Variants in EPCAM observed in about 807,000 individuals in gnomAD.
EPCAM encodes adenocarcinoma-associated antigen.
EPCAM carries 39 observed loss-of-function variants against 40.0 expected under a neutral mutation model. The observed-to-expected ratio is 0.98, with a 90% CI of 0.76 to 1.27. The LOEUF is 1.27. Among genes scored for constraint, EPCAM ranks in the 50% most tolerant of loss-of-function variants. EPCAM has a pLI of 0.00. For synonymous variants in EPCAM, 168 were observed against 132.3 expected (o/e 1.27, Z -1.85); for missense variants, 503 against 381.2 (o/e 1.32, Z -2.66).
intron 7 of EPCAM, among the ~76,000 whole-genome samples, chr2:47,382,072 A>G (rs758471965): frequency 6.6e-6 from 1 of 152,174 alleles, no homozygotes; most frequent in Non-Finnish European, 1.5e-5. Context: ...CTAGTCCTAT[A>G]TATATATATT....
chr2:47,375,951 G>A (rs951699701), intron 4 of EPCAM, among the ~76,000 whole-genome samples: 6 of 151,846 alleles, frequency 4.0e-5, no homozygotes, highest in Non-Finnish European at 5.9e-5. Flanking sequence ...TGATCCTCCC[G>A]CCTCTGCCTC....
At chr2:47,373,228 A>AAAAAAC (rs1671326252) in intron 1 of EPCAM, among the ~76,000 whole-genome samples, 1 of 150,686 alleles carries the variant, frequency 6.6e-6, no homozygotes, top group Admixed American at 6.7e-5. Context: ...AAAAAAAAAA[A>AAAAAAC]AAAAAAACAG....
intron 7 of EPCAM, among the ~76,000 whole-genome samples, chr2:47,381,026 T>TAGTG (rs60127037): frequency 0.11 from 14,820 of 137,406 alleles, 1,018 homozygotes; most frequent in East Asian, 0.19. Context: ...GCAGAGGTTG[T>TAGTG]AGTGCGCCAA....
chr2:47,378,089 AAT>A (rs1443151479), intron 5 of EPCAM, among the ~76,000 whole-genome samples: 6 of 151,926 alleles, frequency 3.9e-5, no homozygotes, highest in African/African-American at 1.4e-4. Flanking sequence ...AAAATAGCCG[AAT>A]GTGGTGGTGG....
chr2:47,380,025 A>T, intron 7 of EPCAM, 56 bp downstream of exon 7: 1 of 1,556,562 alleles, frequency 6.4e-7, no homozygotes, highest in South Asian at 1.2e-5. Context: ...AAGAAAAAGT[A>T]ATAGTGGCTG....
chr2:47,385,576 A>G (rs1671723337), intron 8 of EPCAM, among the ~76,000 whole-genome samples: 1 of 152,232 alleles, frequency 6.6e-6, no homozygotes, highest in South Asian at 2.1e-4. Context: ...TAATCATTTA[A>G]TATGAACTTA....
chr2:47,373,205 T>TAAAAAAAAAAAA (rs777057814), intron 1 of EPCAM, among the ~76,000 whole-genome samples: 2 of 65,046 alleles, frequency 3.1e-5, no homozygotes, highest in African/African-American at 5.1e-5. Flanking sequence ...ACCCTATCTT[T>TAAAAAAAAAAAA]AAAAAAAAAA....
At chr2:47,384,132 CCTT>C (rs1671671919) in intron 7 of EPCAM, among the ~76,000 whole-genome samples, 3 of 151,334 alleles carry the variant, frequency 2.0e-5, no homozygotes, top group Admixed American at 6.6e-5. Context: ...GACAGAGTCT[CCTT>C]CTGTTGCCCA....
chr2:47,375,702 GA>G (rs1179818971), intron 4 of EPCAM, among the ~76,000 whole-genome samples: 2 of 137,756 alleles, frequency 1.5e-5, no homozygotes, highest in Non-Finnish European at 3.1e-5. Flanking sequence ...TCAAATTTAG[GA>G]AAAATTTTTT....
chr2:47,373,468 G>A lies in EPCAM; in HGVS notation c.82G>A (p.Val28Ile), dbSNP rs1671335376. 4 of 1,603,606 alleles carry A rather than the reference G, an allele frequency of 2.5e-6. No individual in the cohort carries two copies. Among genetic ancestry groups the A allele is most frequent in the Non-Finnish European group, 3.4e-6 (4 of 1,171,348 alleles). The change falls in exon 2 of 9, where the codon GTC (valine) becomes ATC (isoleucine). Residue 28 changes from valine to isoleucine, a missense_variant. By Grantham distance (29) the Val-to-Ile change is conservative. Coordinates refer to ENST00000263735, the MANE Select transcript of EPCAM (RefSeq NM_002354.3). ...ATFAAAQEEC[V>I]CENYKLAVNC... ...TTTTTTTTTTAATTTTCTAGAATGT[G>A]TCTGTGAAAACTACAAGCTGGCCGT...
At chr2:47,372,071 A>G (rs1434550444) in intron 1 of EPCAM, among the ~76,000 whole-genome samples, 6 of 152,206 alleles carry the variant, frequency 3.9e-5, no homozygotes, top group Non-Finnish European at 8.8e-5. Context: ...CAAAACTATT[A>G]AACTGACATC....
rs72882770 is a variant in EPCAM, at chr2:47,373,521, A to G, written c.135A>G (p.Gln45=). The G allele has an allele frequency of 5.6e-4, 902 of 1,613,962 alleles. 7 individuals carry two copies. In the African/African-American group the frequency reaches 9.4e-3, roughly 17 times the overall value. ...ACTGCTTTGTGAATAATAATCGTCA[A>G]TGCCAGTGTACTTCAGTTGGTGCAC... ...AVNCFVNNNR[Q]CQCTSVGAQN... is the part of the protein sequence containing the mutation. The change falls in exon 2 of 9, where the codon CAA becomes CAG. Residue 45 remains glutamine (Q), a synonymous_variant. Coordinates refer to ENST00000263735, the MANE Select transcript of EPCAM (RefSeq NM_002354.3).
At chr2:47,385,012 TTTTAA>T (rs1227027348) in intron 7 of EPCAM, among the ~76,000 whole-genome samples, 149 bp from the exon 8 acceptor site, 1 of 152,230 alleles carries the variant, frequency 6.6e-6, no homozygotes, top group Admixed American at 6.5e-5. Flanking sequence ...GGTGTGAAAT[TTTTAA>T]TTTAAGAAGC....
At chr2:47,372,525 G>C (rs1671301021) in intron 1 of EPCAM, among the ~76,000 whole-genome samples, 1 of 152,208 alleles carries the variant, frequency 6.6e-6, no homozygotes, top group Non-Finnish European at 1.5e-5. Flanking sequence ...TGTAATCCCA[G>C]CACTTTGGTA....
intron 1 of EPCAM, 127 bp downstream of exon 1, chr2:47,369,708 A>G: frequency 9.8e-7 from 1 of 1,021,044 alleles, no homozygotes; most frequent in Admixed American, 2.0e-5. Context: ...CAGCGTGGAG[A>G]CCGGACGGTG....
intron 1 of EPCAM, among the ~76,000 whole-genome samples, chr2:47,371,657 C>T (rs1354634950): frequency 6.6e-6 from 1 of 152,210 alleles, no homozygotes; most frequent in Non-Finnish European, 1.5e-5. Context: ...CTCAGAAAGT[C>T]TGCACCTGAC....
intron 7 of EPCAM, among the ~76,000 whole-genome samples, chr2:47,383,694 G>A (rs1417398786): frequency 8.5e-6 from 1 of 118,144 alleles, no homozygotes; most frequent in Non-Finnish European, 1.7e-5. Context: ...GAGTGCAGTG[G>A]CACGATCTCG....
At chr2:47,373,340 G>A (rs10177140) in intron 1 of EPCAM, 123 bp from the exon 2 acceptor site, 1 of 691,970 alleles carries the variant, frequency 1.4e-6, no homozygotes. Context: ...AAAACATTCA[G>A]AACCACTTTT....
At chr2:47,381,991 C>G (rs571076970) in intron 7 of EPCAM, among the ~76,000 whole-genome samples, 5 of 152,134 alleles carry the variant, frequency 3.3e-5, no homozygotes, top group Non-Finnish European at 7.3e-5. Flanking sequence ...TGGGCTTGAA[C>G]TCCTAGGCTC....
Sources: gnomAD v4.1 joint callset for allele counts (sites outside exome capture counted in the v4.1 genomes callset) on GRCh38, gnomAD v4.1.1 for gene constraint, MANE v1.5 for transcripts, NCBI Gene and HGNC (gene_info 2026-07-23, HGNC 2026-07-21) for gene names.